Variants in TIA1 observed in about 807,000 individuals in gnomAD.
The protein encoded by TIA1 is TIA1 cytotoxic granule associated RNA binding protein.
TIA1 carries 23 observed loss-of-function variants against 65.9 expected under a neutral mutation model. The observed-to-expected ratio is 0.35, with a 90% CI of 0.25 to 0.49. The LOEUF (loss-of-function observed/expected upper bound fraction) is 0.49, where lower values mean the gene tolerates loss of function less well. Ranked by LOEUF, TIA1 falls within the 20% of genes least tolerant of loss-of-function variation. TIA1 has a pLI of 0.98. For synonymous variants in TIA1, 147 were observed against 149.4 expected, an observed-to-expected ratio of 0.98 and a Z score of 0.12; for missense variants, 371 against 477.9, an observed-to-expected ratio of 0.78 and a Z score of 2.09.
Position 70,224,665 on chromosome 2 carries a change from A to T in TIA1, c.399-36T>A, listed in dbSNP as rs1683044556. On this transcript the variant is annotated intron_variant, in intron 6 of 12. Transcript: ENST00000433529. The stretch of plus-strand genomic sequence containing the variant: ...AAACAATCAGAAGTTTAGGTTTGCA[A>T]ACTATCCTCTGGATATCAAATAAGA... 9 of 1,610,690 alleles carry T rather than the reference A, an allele frequency of 5.6e-6. No individual in the cohort carries two copies. In the East Asian group the frequency reaches 2.0e-4, roughly 36 times the overall value.
intron 11 of TIA1, 82 bp downstream of exon 11, chr2:70,215,289 T>TA: frequency 6.4e-7 from 1 of 1,557,820 alleles, no homozygotes; most frequent in South Asian, 1.1e-5. Context: ...AGAAACTTAT[T>TA]AACAAGGATT....
chr2:70,248,533 G>A lies in TIA1; in HGVS notation c.-103C>T, dbSNP rs772795408. ...GGCTACAGGATAGTGGGGTTTCTCG[G>A]CTGACCAGAGGTTACTCCGCCTCCT... On this transcript the variant is annotated 5_prime_UTR_variant, in exon 1 of 13. Coordinates refer to ENST00000433529, the MANE Select transcript of TIA1 (RefSeq NM_022173.4). The A allele has an allele frequency of 1.9e-6, 3 of 1,557,194 alleles. No homozygotes were observed. Among genetic ancestry groups the A allele is most frequent in the Non-Finnish European group, 2.6e-6 (3 of 1,146,992 alleles).
At chr2:70,244,009 C>T (rs1022347368) in intron 1 of TIA1, among the ~76,000 whole-genome samples, 5 of 152,210 alleles carry the variant, frequency 3.3e-5, no homozygotes, top group Non-Finnish European at 5.9e-5. Context: ...GATAAGATAG[C>T]CCTCATAAGG....
chr2:70,248,366 A>C, intron 1 of TIA1, 39 bp downstream of exon 1: 1 of 1,592,492 alleles, frequency 6.3e-7, no homozygotes, highest in Non-Finnish European at 8.5e-7. Context: ...CTCCGGGACG[A>C]CCACCATCCC....
intron 11 of TIA1, 138 bp from the exon 12 acceptor site, chr2:70,214,632 TAAAAAA>T: frequency 3.2e-6 from 1 of 311,478 alleles, no homozygotes; most frequent in Non-Finnish European, 5.1e-6. Context: ...AGTTGACTGC[TAAAAAA>T]AAAAAAAAAA....
intron 2 of TIA1, among the ~76,000 whole-genome samples, chr2:70,231,901 C>G (rs1159878080): frequency 6.6e-6 from 1 of 152,066 alleles, no homozygotes; most frequent in Non-Finnish European, 1.5e-5. Flanking sequence ...TGCTCAGAAG[C>G]CTTTAAAAAA....
At chr2:70,230,648 A>G in intron 3 of TIA1, 108 bp downstream of exon 3, 1 of 785,474 alleles carries the variant, frequency 1.3e-6, no homozygotes. Flanking sequence ...GCAAAATTTC[A>G]TCTCAAAAAA....
intron 8 of TIA1, 176 bp from the exon 9 acceptor site, chr2:70,216,675 C>T (rs904318297): frequency 1.5e-5 from 21 of 1,422,412 alleles, no homozygotes; most frequent in Non-Finnish European, 2.0e-5. Flanking sequence ...TAAAAAATTA[C>T]CCAGTATTTT....
rs186568778 is a variant in TIA1 at position 70,235,057 on chromosome 2, C to T, written c.123+1022G>A. Among the ~76,000 whole-genome samples the T allele has an allele frequency of 2.9e-3, 444 of 152,026 alleles. 4 individuals are homozygous for T. Among genetic ancestry groups the T allele is most frequent in the Non-Finnish European group, 5.0e-3 (340 of 67,992 alleles). Reference sequence around the variant, plus strand: ...ACAAACAAACAAACAAACAAACAAACGAAAAGTTTACAGAAAAGAGAGACC... The same window carrying T: ...ACAAACAAACAAACAAACAAACAAATGAAAAGTTTACAGAAAAGAGAGACC... On this transcript the variant is annotated intron_variant, in intron 2 of 12. Transcript: ENST00000433529.
chr2:70,246,649 G>A (rs1392826787), intron 1 of TIA1, among the ~76,000 whole-genome samples: 3 of 152,324 alleles, frequency 2.0e-5, no homozygotes, highest in East Asian at 3.9e-4. Flanking sequence ...ACTCTGGGAG[G>A]CCGAGGTGTG....
intron 12 of TIA1, among the ~76,000 whole-genome samples, chr2:70,213,768 CG>C (rs1202275368): frequency 6.6e-6 from 1 of 152,054 alleles, no homozygotes; most frequent in African/African-American, 2.4e-5. Flanking sequence ...TCTCCTGCCT[CG>C]GCCTCCCAAA....
intron 7 of TIA1, among the ~76,000 whole-genome samples, chr2:70,219,929 C>T (rs1024430114): frequency 9.2e-5 from 14 of 151,916 alleles, no homozygotes; most frequent in Admixed American, 9.2e-4. Context: ...CCAACCAGTC[C>T]GAACTCCATG....
chr2:70,239,755 G>A (rs535002108), intron 1 of TIA1, among the ~76,000 whole-genome samples: 1 of 152,214 alleles, frequency 6.6e-6, no homozygotes, highest in East Asian at 1.9e-4. Flanking sequence ...GTAAAATAAT[G>A]GTACTCAAAA....
At chr2:70,223,928 A>G (rs1327042025) in intron 7 of TIA1, among the ~76,000 whole-genome samples, 1 of 151,232 alleles carries the variant, frequency 6.6e-6, no homozygotes, top group Non-Finnish European at 1.5e-5. Context: ...TTATTTATTT[A>G]TTTATTTTTT....
intron 2 of TIA1, among the ~76,000 whole-genome samples, chr2:70,231,817 T>C (rs989567948): frequency 6.6e-6 from 1 of 152,216 alleles, no homozygotes; most frequent in African/African-American, 2.4e-5. Context: ...CTCTGAAAAC[T>C]GAAGAGATTC....
Position 70,234,597 on chromosome 2 carries a change from T to C in TIA1, c.123+1482A>G, listed in dbSNP as rs142292116. Among the ~76,000 whole-genome samples the C allele has an allele frequency of 1.0e-2, 1,517 of 152,342 alleles. 17 individuals carry two copies. The highest frequency in any genetic ancestry group is 0.034 in the African/African-American group (1,423 of 41,582). ...ATATATTTTTGAGACAGTCTCCCTC[T>C]GTCGCCCAGGCTGGAGTGCAATGGT... is the stretch of plus-strand genomic sequence containing the variant. On this transcript the variant is annotated intron_variant, in intron 2 of 12. Coordinates refer to ENST00000433529, the MANE Select transcript of TIA1 (RefSeq NM_022173.4).
At chr2:70,230,999 T>C in intron 2 of TIA1, 145 bp from the exon 3 acceptor site, 1 of 581,782 alleles carries the variant, frequency 1.7e-6, no homozygotes, top group Non-Finnish European at 3.0e-6. Flanking sequence ...CACAAGTAAA[T>C]TTTAGATTTA....
intron 7 of TIA1, among the ~76,000 whole-genome samples, chr2:70,221,779 T>G (rs1487456878): frequency 6.7e-6 from 1 of 149,838 alleles, no homozygotes; most frequent in Non-Finnish European, 1.5e-5. Context: ...ACCACTGAAT[T>G]GTATACTTTA....
At chr2:70,235,140 G>A (rs1573635541) in intron 2 of TIA1, among the ~76,000 whole-genome samples, 1 of 152,182 alleles carries the variant, frequency 6.6e-6, no homozygotes, top group Admixed American at 6.5e-5. Context: ...TTTAGGCCAG[G>A]TACAGTGGCT....
Sources: allele counts gnomAD v4.1 joint callset (sites outside exome capture counted in the v4.1 genomes callset), GRCh38; gene constraint gnomAD v4.1.1; transcripts MANE v1.5; gene names NCBI Gene and HGNC (gene_info 2026-07-23, HGNC 2026-07-21).